Variants in COL23A1 observed in about 807,000 individuals in gnomAD.
COL23A1 encodes collagen alpha-1(XXIII) chain.
A neutral mutation model predicts 99.3 loss-of-function variants in COL23A1; 97 were observed. The observed-to-expected ratio is 0.98, with a 90% CI of 0.83 to 1.16. The LOEUF is 1.16. Among genes scored for constraint, COL23A1 ranks in the 50% most tolerant of loss-of-function variants. The probability of loss-of-function intolerance (pLI) is 0.00; values close to 1 mark genes in which losing one functional copy is unlikely to be tolerated. For synonymous variants in COL23A1, 320 were observed against 308.2 expected (o/e 1.04, Z -0.40); for missense variants, 762 against 757.4 (o/e 1.01, Z -0.07).
intron 2 of COL23A1, among the ~76,000 whole-genome samples, chr5:178,334,811 T>C (rs1760232916): frequency 6.6e-6 from 1 of 152,204 alleles, no homozygotes; most frequent in South Asian, 2.1e-4. Flanking sequence ...GAGGTGGGAA[T>C]ATTATTAGTA....
intron 2 of COL23A1, among the ~76,000 whole-genome samples, chr5:178,433,920 T>C (rs1766404284): frequency 6.6e-6 from 1 of 152,054 alleles, no homozygotes; most frequent in Non-Finnish European, 1.5e-5. Context: ...CAAGAGAAGA[T>C]GAAGACACAG....
At chr5:178,244,581 C>G (rs1026526449) in intron 25 of COL23A1, among the ~76,000 whole-genome samples, 3 of 152,178 alleles carry the variant, frequency 2.0e-5, no homozygotes, top group Non-Finnish European at 4.4e-5. Context: ...TTGGGCCTGG[C>G]AGGATGCTGG....
chr5:178,357,491 C>A (rs934994144), intron 2 of COL23A1, among the ~76,000 whole-genome samples: 1 of 152,220 alleles, frequency 6.6e-6, no homozygotes, highest in African/African-American at 2.4e-5. Context: ...GAGGTTTTAA[C>A]CGTCCGCTGG....
intron 1 of COL23A1, 41 bp from the exon 2 acceptor site, chr5:178,560,789 T>G: frequency 2.6e-6 from 4 of 1,547,760 alleles, no homozygotes; most frequent in Non-Finnish European, 2.6e-6. Context: ...GAGGAGAGAA[T>G]GAGTTTCAGA....
At chr5:178,531,707 C>T (rs765292270) in intron 2 of COL23A1, among the ~76,000 whole-genome samples, 2 of 152,114 alleles carry the variant, frequency 1.3e-5, no homozygotes, top group East Asian at 1.9e-4. Flanking sequence ...GTTATTGTTG[C>T]CAAAAACCAT....
chr5:178,495,885 C>T (rs934377500), intron 2 of COL23A1, among the ~76,000 whole-genome samples: 4 of 152,148 alleles, frequency 2.6e-5, no homozygotes, highest in African/African-American at 9.7e-5. Flanking sequence ...CAACTTTGGG[C>T]AATAGACACT....
At chr5:178,381,752 C>T (rs1029117077) in intron 2 of COL23A1, among the ~76,000 whole-genome samples, 23 of 152,196 alleles carry the variant, frequency 1.5e-4, no homozygotes, top group South Asian at 1.2e-3. Flanking sequence ...CCTCCCGCTT[C>T]GGCCTTCTGA....
intron 2 of COL23A1, among the ~76,000 whole-genome samples, chr5:178,517,997 A>G (rs1249733173): frequency 7.8e-6 from 1 of 129,022 alleles, no homozygotes; most frequent in African/African-American, 3.4e-5. Flanking sequence ...CAGCAGATAA[A>G]CAAGTGAACA....
intron 2 of COL23A1, among the ~76,000 whole-genome samples, chr5:178,506,820 A>G (rs962218992): frequency 6.6e-6 from 1 of 152,204 alleles, no homozygotes; most frequent in Non-Finnish European, 1.5e-5. Flanking sequence ...TACTGAACAC[A>G]GTTTAGGTTT....
At chr5:178,542,256 G>A (rs533581524) in intron 2 of COL23A1, among the ~76,000 whole-genome samples, 1 of 152,258 alleles carries the variant, frequency 6.6e-6, no homozygotes, top group South Asian at 2.1e-4. Context: ...GTTTTGCCAC[G>A]TTGGCCAGGC....
chr5:178,345,291 C>T, intron 2 of COL23A1: 1 of 638,454 alleles, frequency 1.6e-6, no homozygotes, highest in Non-Finnish European at 2.8e-6. Context: ...AATCTGCCCC[C>T]TAGTTTGAAA....
rs1203433506 is a variant in COL23A1, at chr5:178,590,179, C to A, written c.19G>T (p.Ala7Ser). The change falls in exon 1 of 29, where the codon GCC (alanine) becomes TCC (serine). Residue 7 changes from alanine to serine, a missense_variant. By Grantham distance (99) the Ala-to-Ser change is moderately conservative. Transcript: ENST00000390654. This position sits in a 1 kb window ranked among gnomAD's most constrained non-coding sequence, Gnocchi z 5.7. MGPGERAGGGGDAGKGN... is the reference protein window; with the variant it reads MGPGERSGGGGDAGKGN... The stretch of plus-strand genomic sequence containing the variant: ...TTCCCCGCGTCGCCGCCGCCACCGG[C>A]GCGCTCGCCTGGGCCCATGGCGCGT... The A allele has an allele frequency of 8.2e-7, 1 of 1,220,050 alleles. No individual in the cohort carries two copies. Among genetic ancestry groups the A allele is most frequent in the Non-Finnish European group, 1.0e-6 (1 of 984,214 alleles). The allele number at this position is 1,220,050 out of a possible 1,614,324, so 75.6% of individuals were successfully genotyped here.
At chr5:178,291,745 G>C (rs536856278) in intron 3 of COL23A1, among the ~76,000 whole-genome samples, 1 of 152,252 alleles carries the variant, frequency 6.6e-6, no homozygotes, top group East Asian at 1.9e-4. Context: ...GGTGGGTGAG[G>C]GGGGAGTGGA....
At chr5:178,246,221 G>T in intron 24 of COL23A1, 33 bp downstream of exon 24, 2 of 1,552,266 alleles carry the variant, frequency 1.3e-6, no homozygotes, top group South Asian at 1.2e-5. Flanking sequence ...AGGTGGCCAC[G>T]GTTGGAGAGG....
At chr5:178,540,848 GC>G (rs1222464752) in intron 2 of COL23A1, among the ~76,000 whole-genome samples, 1 of 152,206 alleles carries the variant, frequency 6.6e-6, no homozygotes, top group Non-Finnish European at 1.5e-5. Context: ...GATCGCCTGA[GC>G]TTGGGAGGTC....
intron 6 of COL23A1, among the ~76,000 whole-genome samples, chr5:178,269,661 T>C (rs1581493791): frequency 1.4e-5 from 2 of 138,332 alleles, no homozygotes; most frequent in South Asian, 2.5e-4. Context: ...CATTCATCCA[T>C]CCATCCACCC....
At chr5:178,274,722 G>A (rs1168606702) in intron 5 of COL23A1, among the ~76,000 whole-genome samples, 2 of 152,214 alleles carry the variant, frequency 1.3e-5, no homozygotes, top group African/African-American at 4.8e-5. Flanking sequence ...CCAGCTCACA[G>A]AGCGAAGGCC....
Position 178,242,077 on chromosome 5 carries a change from G to A in COL23A1, c.1546C>T (p.Pro516Ser), listed in dbSNP as rs1301131458. 3.9e-6 allele frequency: 6 copies of A among 1,553,926 alleles called. No individual in the cohort carries two copies. Among genetic ancestry groups the A allele is most frequent in the Non-Finnish European group, 4.4e-6 (5 of 1,148,362 alleles). Reference protein sequence around the residue: ...RKGVKGQKGEPGPPGLDQPCP... With the variant: ...RKGVKGQKGESGPPGLDQPCP... ...GGCTGGTCCAGGCCTGGTGGTCCCG[G>A]CTCGCCCTTCTGGCCCTTCACTCCT... The change falls in exon 27 of 29, where the codon CCG becomes TCG. Residue 516 changes from proline to serine, a missense_variant. Pro to Ser is a moderately conservative substitution (Grantham distance 74). Coordinates refer to ENST00000390654, the MANE Select transcript of COL23A1 (RefSeq NM_173465.4).
chr5:178,510,714 G>T (rs1407069316), intron 2 of COL23A1, among the ~76,000 whole-genome samples: 1 of 151,708 alleles, frequency 6.6e-6, no homozygotes, highest in East Asian at 1.9e-4. Flanking sequence ...AAAGAGAAAA[G>T]AAAATAAAAC....
Sources: allele counts gnomAD v4.1 joint callset (sites outside exome capture counted in the v4.1 genomes callset), GRCh38; gene constraint gnomAD v4.1.1; non-coding constraint Gnocchi (gnomAD v3.1); transcripts MANE v1.5; gene names NCBI Gene and HGNC (gene_info 2026-07-23, HGNC 2026-07-21).